The following ORC5 variants were observed in gnomAD, a reference collection of about 807,000 sequenced individuals.
ORC5 encodes protein phosphatase 1, regulatory subunit 117.
A neutral mutation model predicts 58.8 loss-of-function variants in ORC5; 39 were observed. The ratio of observed to expected loss-of-function variants is 0.66; its 90% CI spans 0.51 to 0.87. ORC5 has a LOEUF of 0.87. Among genes scored for constraint, ORC5 ranks in the 40% least tolerant of loss-of-function variants. ORC5 has a pLI of 0.00. For synonymous variants in ORC5, 218 were observed against 177.6 expected (o/e 1.23, Z -1.81); for missense variants, 493 against 506.3 (o/e 0.97, Z 0.25).
At chr7:104,155,547 T>C (rs1032367829) in intron 12 of ORC5, among the ~76,000 whole-genome samples, 1 of 151,450 alleles carries the variant, frequency 6.6e-6, no homozygotes, top group Non-Finnish European at 1.5e-5. Context: ...AGAATTATAG[T>C]AAACTACTTT....
In ORC5 at chr7:104,136,877, G is replaced by T; in HGVS notation, c.1166C>A (p.Thr389Asn). ...GCCAACCAGGGTTAACAGCTGAAGG[G>T]TCACTAGAGAGGTAATCTAAAAGAG... ...NIFSQITSLV[T>N]LQLLTLVGHD... is the part of the protein sequence containing the mutation. The change falls in exon 13 of 14, where the codon ACC becomes AAC. Residue 389 changes from threonine (T) to asparagine (N), a missense_variant. By Grantham distance (65) the Thr-to-Asn change is moderately conservative. Coordinates refer to ENST00000297431, the MANE Select transcript of ORC5 (RefSeq NM_002553.4). This position sits in a 1 kb window ranked among gnomAD's most constrained non-coding sequence, Gnocchi z 4.2. 6.2e-7 allele frequency: 1 copy of T among 1,612,268 alleles called. No individual in the cohort carries two copies. Among genetic ancestry groups the T allele is most frequent in the Non-Finnish European group, 8.5e-7 (1 of 1,178,378 alleles).
Position 104,176,157 on chromosome 7 carries a change from T to C in ORC5, c.825-7632A>G, listed in dbSNP as rs1001122996. On this transcript the variant is annotated intron_variant, in intron 8 of 13. Transcript: ENST00000297431. ...TGGTGTGTATATGTGTTTGTGTTTA[T>C]ACATATATACATATGTTGTGTCTAC... Among the ~76,000 whole-genome samples the C allele has an allele frequency of 3.3e-5, 5 of 152,234 alleles. No individual in the cohort carries two copies. The South Asian group carries it at 8.3e-4, about 25-fold the overall frequency.
At chr7:104,144,013 G>A (rs1394867198) in intron 12 of ORC5, among the ~76,000 whole-genome samples, 1 of 152,116 alleles carries the variant, frequency 6.6e-6, no homozygotes, top group Admixed American at 6.5e-5. Flanking sequence ...CAGCTACTTG[G>A]GAGGTTGAGG....
At chr7:104,166,640 G>C (rs750909746) in intron 10 of ORC5, 132 bp downstream of exon 10, 1 of 566,032 alleles carries the variant, frequency 1.8e-6, no homozygotes, top group Non-Finnish European at 3.1e-6. Context: ...AGCCTTTAAA[G>C]AATGAGTCCT....
At chr7:104,127,626 A>G (rs1161690145) in intron 13 of ORC5, among the ~76,000 whole-genome samples, 2 of 152,258 alleles carry the variant, frequency 1.3e-5, no homozygotes, top group Admixed American at 6.5e-5. Flanking sequence ...AGCCTTAAGT[A>G]TTCAATTCTG....
Position 104,138,726 on chromosome 7 carries a change from G to T in ORC5, c.1150-1833C>A, listed in dbSNP as rs897413164. Among the ~76,000 whole-genome samples, 1 of 152,094 alleles carries T rather than the reference G, an allele frequency of 6.6e-6. No homozygotes were observed. Among genetic ancestry groups the T allele is most frequent in the Non-Finnish European group, 1.5e-5 (1 of 68,004 alleles). On this transcript the variant is annotated intron_variant, in intron 12 of 13. Coordinates refer to ENST00000297431, the MANE Select transcript of ORC5 (RefSeq NM_002553.4). The surrounding 1 kb of genome is among the most constrained non-coding windows in gnomAD (Gnocchi z 4.7). ...GGGGTTTTGCCATGTTGTCCAGGCT[G>T]CTCTTGAGCTCCTGGGCTCAAGTGA...
chr7:104,146,843 G>C (rs1023497135), intron 12 of ORC5, among the ~76,000 whole-genome samples: 2 of 152,132 alleles, frequency 1.3e-5, no homozygotes, highest in Admixed American at 1.3e-4. Flanking sequence ...TCAGTAGATT[G>C]CATTAATGTC....
At chr7:104,155,829 C>A (rs1222315062) in intron 12 of ORC5, among the ~76,000 whole-genome samples, 1 of 151,202 alleles carries the variant, frequency 6.6e-6, no homozygotes, top group Non-Finnish European at 1.5e-5. Context: ...TAAGAGGAGA[C>A]ATAGAACTAT....
chr7:104,127,048 T>C (rs1798439797), intron 13 of ORC5, among the ~76,000 whole-genome samples, 155 bp from the exon 14 acceptor site: 1 of 152,066 alleles, frequency 6.6e-6, no homozygotes, highest in Admixed American at 6.5e-5. Context: ...ATTAATTCTT[T>C]AAAATGTTAT....
In ORC5 at chr7:104,195,554, C is replaced by A. The variant is rs557271679; in HGVS notation, c.442-300G>T. On this transcript the variant is annotated intron_variant, in intron 4 of 13. Transcript: ENST00000297431. ...CTGAGGCATGTGCCACCATGCCCAG[C>A]TAAATTCTGTATCTTTTATAAAGAC... Among the ~76,000 whole-genome samples the A allele has an allele frequency of 3.9e-5, 6 of 152,264 alleles. No individual in the cohort carries two copies. The South Asian group carries it at 1.0e-3, about 26-fold the overall frequency.
At chr7:104,168,749 A>C (rs1172781544) in intron 8 of ORC5, among the ~76,000 whole-genome samples, 1 of 152,032 alleles carries the variant, frequency 6.6e-6, no homozygotes, top group Non-Finnish European at 1.5e-5. Context: ...AACTATTTTA[A>C]TAATCTCTTT....
chr7:104,184,384 C>T (rs1799499455), intron 6 of ORC5: 1 of 530,716 alleles, frequency 1.9e-6, no homozygotes, highest in African/African-American at 1.9e-5. Flanking sequence ...GGAGATCAAG[C>T]CTGTAGTGTG....
intron 8 of ORC5, 32 bp from the exon 9 acceptor site, chr7:104,168,557 A>T: frequency 7.4e-7 from 1 of 1,357,480 alleles, no homozygotes; most frequent in African/African-American, 1.4e-5. Flanking sequence ...AAAATGAATT[A>T]AAAATAAATA....
At position 104,195,260 on chromosome 7, in the gene ORC5, AAAAG is replaced by A. The variant is rs780389983; in HGVS notation, c.442-10_442-7del. The A allele has an allele frequency of 1.6e-5, 23 of 1,475,338 alleles. No homozygotes were observed. Among genetic ancestry groups the A allele is most frequent in the Non-Finnish European group, 2.0e-5 (22 of 1,095,332 alleles). 91.4% of individuals were successfully genotyped at this position (1,475,338 alleles called of 1,614,324 possible). A position where few individuals can be genotyped will look rare whatever the true frequency, so the allele number is the denominator to read the frequency against. ...ACAGTCACATTTCTGTCAGCCTGTA[AAAAG>A]AAAGAAATAAAAGTAACTTCGCATT... On this transcript the variant is annotated splice_polypyrimidine_tract_variant and splice_region_variant and intron_variant, in intron 4 of 13. Coordinates refer to ENST00000297431, the MANE Select transcript of ORC5 (RefSeq NM_002553.4).
chr7:104,207,005 T>C (rs1440925072), intron 1 of ORC5, among the ~76,000 whole-genome samples: 3 of 152,156 alleles, frequency 2.0e-5, no homozygotes. Context: ...TCTCAGGACG[T>C]ATCCCCCTCA....
intron 8 of ORC5, among the ~76,000 whole-genome samples, chr7:104,180,581 T>C (rs900796600): frequency 4.1e-5 from 5 of 121,850 alleles, no homozygotes; most frequent in East Asian, 4.4e-4. Flanking sequence ...CTAAATTAAA[T>C]ATTTTTGACC....
chr7:104,129,595 C>T lies in ORC5; in HGVS notation c.1263-2702G>A, dbSNP rs929038330. On this transcript the variant is annotated intron_variant, in intron 13 of 13. Transcript: ENST00000297431. This position sits in a 1 kb window ranked among gnomAD's most constrained non-coding sequence, Gnocchi z 4.9. Reference sequence around the variant, plus strand: ...AACATAAAAAACTATGCCACACATCCGAAAGATAATTTTGTGCTTTAAAGT... The same window carrying T: ...AACATAAAAAACTATGCCACACATCTGAAAGATAATTTTGTGCTTTAAAGT... Among the ~76,000 whole-genome samples, 4 of 152,044 alleles carry T rather than the reference C, an allele frequency of 2.6e-5. No individual in the cohort carries two copies. The highest frequency in any genetic ancestry group is 9.7e-5 in the African/African-American group (4 of 41,398).
intron 8 of ORC5, among the ~76,000 whole-genome samples, chr7:104,177,552 A>G (rs1049960091): frequency 3.3e-5 from 5 of 152,132 alleles, no homozygotes; most frequent in Non-Finnish European, 7.4e-5. Flanking sequence ...TGTGTTTTTA[A>G]TGAGAATTAT....
intron 1 of ORC5, among the ~76,000 whole-genome samples, chr7:104,206,865 T>C (rs991050035): frequency 6.6e-6 from 1 of 152,232 alleles, no homozygotes; most frequent in Non-Finnish European, 1.5e-5. Context: ...GTAGCACCGC[T>C]GTAGAGGTTT....
Sources: gnomAD v4.1 joint callset for allele counts (sites outside exome capture counted in the v4.1 genomes callset) on GRCh38, gnomAD v4.1.1 for gene constraint, Gnocchi (gnomAD v3.1) non-coding constraint, MANE v1.5 for transcripts, NCBI Gene and HGNC (gene_info 2026-07-23, HGNC 2026-07-21) for gene names.